TLE2: variants seen among roughly 807,000 people sequenced by gnomAD.
TLE2 encodes the protein transducin-like enhancer protein 2.
Under a neutral mutation model 97.2 loss-of-function variants are expected in TLE2, and 74 were observed. The ratio of observed to expected loss-of-function variants is 0.76; its 90% CI spans 0.63 to 0.92. The LOEUF is 0.92. TLE2 is among the 40% of genes least tolerant of loss of function. The probability of loss-of-function intolerance (pLI) is 0.00; values close to 1 mark genes in which losing one functional copy is unlikely to be tolerated. For synonymous variants in TLE2, 499 were observed against 432.1 expected (o/e 1.15, Z -1.92); for missense variants, 1,038 against 1,008.7 (o/e 1.03, Z -0.39).
At chr19:3,028,631 C>T in intron 2 of TLE2, 75 bp downstream of exon 2, 1 of 1,545,188 alleles carries the variant, frequency 6.5e-7, no homozygotes, top group African/African-American at 1.4e-5. Context: ...CTCCTCCCCG[C>T]CCTATACCCC....
intron 12 of TLE2, among the ~76,000 whole-genome samples, chr19:3,009,948 G>A (rs1329734300): frequency 1.3e-5 from 2 of 150,930 alleles, no homozygotes; most frequent in African/African-American, 4.9e-5. Context: ...TCAGTGGCGC[G>A]ATCTCGGCTC....
At chr19:3,002,260 A>G in intron 18 of TLE2, 93 bp downstream of exon 18, 2 of 1,424,438 alleles carry the variant, frequency 1.4e-6, no homozygotes, top group East Asian at 2.5e-5. Flanking sequence ...TATAAATAAC[A>G]TTATTTGTTA....
chr19:3,023,140 C>T (rs2089879035), intron 5 of TLE2, among the ~76,000 whole-genome samples: 2 of 151,726 alleles, frequency 1.3e-5, no homozygotes, highest in Admixed American at 1.3e-4. Context: ...CTGCAACCTC[C>T]ACCCCCCGGG....
intron 1 of TLE2, among the ~76,000 whole-genome samples, chr19:3,044,964 T>C (rs1175375622): frequency 6.6e-6 from 1 of 151,998 alleles, no homozygotes; most frequent in Non-Finnish European, 1.5e-5. Context: ...ATGACTGTCA[T>C]CCCAGCACTT....
intron 11 of TLE2, among the ~76,000 whole-genome samples, chr19:3,012,146 G>A (rs917932321): frequency 2.6e-5 from 4 of 152,048 alleles, no homozygotes; most frequent in African/African-American, 7.2e-5. Flanking sequence ...CCCACTACCC[G>A]GGAGGCTGAG....
rs761275199 is a variant in TLE2, at chr19:3,013,789, A to G, written c.753T>C (p.Ala251=). ...EDQPSEPPSP[A]TTPCGKVPIC... ...TGGGTACCTTTCCGCAGGGGGTGGT[A>G]GCCGGGCTGGGGGGCTCTGAGGGTT... Residue 251 remains alanine (A), a synonymous_variant, in exon 11 of 20, where the codon GCT becomes GCC. Coordinates refer to ENST00000262953, the MANE Select transcript of TLE2 (RefSeq NM_003260.5). 2 of 1,555,754 alleles carry G rather than the reference A, an allele frequency of 1.3e-6. No homozygotes were observed. Among genetic ancestry groups the G allele is most frequent in the South Asian group, 1.2e-5 (1 of 82,346 alleles).
chr19:3,005,351 C>T (rs773213586), intron 17 of TLE2, 86 bp downstream of exon 17: 1 of 1,526,876 alleles, frequency 6.5e-7, no homozygotes, highest in South Asian at 1.3e-5. Flanking sequence ...CCTGTCCTGC[C>T]TCTGGAAGTG....
rs776290208 is a variant in TLE2, at chr19:3,013,782, G to A, written c.760C>T (p.Pro254Ser). Reference sequence around the variant, plus strand: ...ATGCAGATGGGTACCTTTCCGCAGGGGGTGGTAGCCGGGCTGGGGGGCTCT... The same window carrying A: ...ATGCAGATGGGTACCTTTCCGCAGGAGGTGGTAGCCGGGCTGGGGGGCTCT... ...PSEPPSPATT[P>S]CGKVPICIPA... The change falls in exon 11 of 20, where the codon CCC (proline) becomes TCC (serine). Residue 254 changes from proline to serine, a missense_variant. Pro to Ser is a moderately conservative substitution (Grantham distance 74). Coordinates refer to ENST00000262953, the MANE Select transcript of TLE2 (RefSeq NM_003260.5). The A allele has an allele frequency of 1.3e-6, 2 of 1,560,154 alleles. No homozygotes were observed. The highest frequency in any genetic ancestry group is 8.6e-7 in the Non-Finnish European group (1 of 1,156,284).
At chr19:3,043,533 C>T (rs1200351737) in intron 1 of TLE2, among the ~76,000 whole-genome samples, 2 of 151,850 alleles carry the variant, frequency 1.3e-5, no homozygotes, top group East Asian at 1.9e-4. Flanking sequence ...CATCATGGGT[C>T]GCACCTGTAA....
upstream of TLE2, chr19:3,029,489 C>T (rs1262366578): frequency 1.7e-5 from 17 of 982,988 alleles, no homozygotes; most frequent in Non-Finnish European, 1.9e-5. Flanking sequence ...AGGGTCCCCA[C>T]CCCCTCCCGG....
chr19:3,045,343 A>G lies in TLE2; in HGVS notation c.63+383T>C, dbSNP rs1568258225. Among the ~76,000 whole-genome samples the G allele has an allele frequency of 2.6e-5, 4 of 152,196 alleles. No homozygotes were observed. In the South Asian group the frequency reaches 6.2e-4, roughly 24 times the overall value. ...GCGTGAACACCTTCAGCCACAGGGA[A>G]GGTGCCAGGAAGGGTCAGACTGAGG... On this transcript the variant is annotated intron_variant, in intron 1 of 18. Transcript: ENST00000426948.
In TLE2 at chr19:2,997,884, C is replaced by T. The variant is rs1185276088; in HGVS notation, c.2196G>A (p.Gly732=). The T allele has an allele frequency of 5.0e-6, 8 of 1,612,350 alleles. No homozygotes were observed. The highest frequency in any genetic ancestry group is 6.8e-6 in the Non-Finnish European group (8 of 1,179,374). The change falls in exon 20 of 20, where the codon GGG becomes GGA. Residue 732 remains glycine, a synonymous_variant. Transcript: ENST00000262953. Reference sequence around the variant, plus strand: ...CCTCATACACGGTGGCCTTCTTGTCCCCCGAGCCTGTCACGATGTATTTGT... The same window carrying T: ...CCTCATACACGGTGGCCTTCTTGTCTCCCGAGCCTGTCACGATGTATTTGT... ...RNNKYIVTGS[G]DKKATVYEVV...
At chr19:3,013,548 T>G (rs1599216600) in intron 11 of TLE2, 121 bp downstream of exon 11, 4 of 973,518 alleles carry the variant, frequency 4.1e-6, no homozygotes. Flanking sequence ...AGGGAAAGGG[T>G]GGACAATGCC....
At chr19:3,001,748 T>C (rs1367644874) in intron 18 of TLE2, among the ~76,000 whole-genome samples, 1 of 150,628 alleles carries the variant, frequency 6.6e-6, no homozygotes, top group African/African-American at 2.4e-5. Context: ...TAGCTGAAAC[T>C]ACACACATCA....
intron 1 of TLE2, among the ~76,000 whole-genome samples, chr19:3,043,269 C>T: frequency 6.6e-6 from 1 of 152,116 alleles, no homozygotes; most frequent in Non-Finnish European, 1.5e-5. Context: ...TCGTACACTA[C>T]CATGCCCGGC....
chr19:2,999,703 G>A (rs1241194734), intron 19 of TLE2, among the ~76,000 whole-genome samples: 5 of 146,360 alleles, frequency 3.4e-5, no homozygotes, highest in African/African-American at 2.6e-5. Flanking sequence ...CTCCAGCCTG[G>A]GTGACAGAGT....
upstream of TLE2, among the ~76,000 whole-genome samples, chr19:3,031,972 G>A (rs2090028215): frequency 6.6e-6 from 1 of 152,112 alleles, no homozygotes; most frequent in Non-Finnish European, 1.5e-5. Flanking sequence ...CTGCTGCCCA[G>A]GCTGGAGTGC....
chr19:3,031,663 C>T (rs890421304), upstream of TLE2, among the ~76,000 whole-genome samples: 1 of 152,040 alleles, frequency 6.6e-6, no homozygotes, highest in African/African-American at 2.4e-5. Flanking sequence ...CGGTCATTTT[C>T]GCCCTCACTC....
At chr19:3,031,468 C>T (rs2090024648), upstream of TLE2, among the ~76,000 whole-genome samples, 1 of 151,830 alleles carries the variant, frequency 6.6e-6, no homozygotes, top group Non-Finnish European at 1.5e-5. Context: ...AAAACTCTTC[C>T]CCTTTTCCCC....
Sources: allele counts gnomAD v4.1 joint callset (sites outside exome capture counted in the v4.1 genomes callset), GRCh38; gene constraint gnomAD v4.1.1; transcripts MANE v1.5; gene names NCBI Gene and HGNC (gene_info 2026-07-23, HGNC 2026-07-21).